Variants in SOX5 observed in about 807,000 individuals in gnomAD.
SOX5 encodes the protein SRY-box transcription factor 5, also known as transcription factor SOX-5.
A neutral mutation model predicts 92.0 loss-of-function variants in SOX5; 9 were observed. The observed-to-expected ratio is 0.10, with a 90% CI of 0.06 to 0.17. The LOEUF is 0.17. Among genes scored for constraint, SOX5 ranks in the 10% least tolerant of loss-of-function variants. The probability of loss-of-function intolerance (pLI) is 1.00; values close to 1 mark genes in which losing one functional copy is unlikely to be tolerated. For synonymous variants in SOX5, 344 were observed against 336.3 expected, an observed-to-expected ratio of 1.02 and a Z score of -0.25; for missense variants, 642 against 944.5, an observed-to-expected ratio of 0.68 and a Z score of 4.20.
intron 3 of SOX5, among the ~76,000 whole-genome samples, chr12:24,216,931 A>C (rs1443670212): frequency 6.6e-6 from 1 of 152,162 alleles, no homozygotes; most frequent in African/African-American, 2.4e-5. Flanking sequence ...CCATCTTAAA[A>C]ATCAAATAAA....
chr12:23,874,390 G>C (rs1312254703), intron 2 of SOX5, among the ~76,000 whole-genome samples: 1 of 152,010 alleles, frequency 6.6e-6, no homozygotes, highest in East Asian at 1.9e-4. Flanking sequence ...GTTTAGCGAC[G>C]CACCATACGC....
At chr12:24,467,542 G>T (rs529740905) in intron 1 of SOX5, among the ~76,000 whole-genome samples, 1 of 152,156 alleles carries the variant, frequency 6.6e-6, no homozygotes, top group African/African-American at 2.4e-5. Flanking sequence ...AAATTGGTAC[G>T]TGCAGGAACC....
At chr12:23,856,905 T>C (rs1208119347) in intron 2 of SOX5, among the ~76,000 whole-genome samples, 2 of 152,166 alleles carry the variant, frequency 1.3e-5, no homozygotes, top group Non-Finnish European at 2.9e-5. Context: ...TTTCTTTCTA[T>C]ACCATGAAGA....
intron 6 of SOX5, among the ~76,000 whole-genome samples, chr12:23,690,180 G>A (rs1566996396): frequency 6.6e-6 from 1 of 152,234 alleles, no homozygotes; most frequent in East Asian, 1.9e-4. Context: ...CAATTGGGAG[G>A]GGGAAGTATA....
At chr12:23,906,651 T>C (rs2138196753) in intron 1 of SOX5, among the ~76,000 whole-genome samples, 1 of 152,272 alleles carries the variant, frequency 6.6e-6, no homozygotes, top group Middle Eastern at 3.4e-3. Context: ...CACAGGATTG[T>C]GGGGAAGAAT....
chr12:23,753,204 A>G (rs1401310293), intron 4 of SOX5, among the ~76,000 whole-genome samples: 1 of 151,812 alleles, frequency 6.6e-6, no homozygotes, highest in African/African-American at 2.4e-5. Context: ...ACACTTCTCT[A>G]AACCCTTCCA....
intron 4 of SOX5, among the ~76,000 whole-genome samples, chr12:24,124,475 A>T (rs568824118): frequency 1.5e-3 from 225 of 152,258 alleles, no homozygotes; most frequent in Non-Finnish European, 2.2e-3. Flanking sequence ...GAACAATCTG[A>T]AAGTGCAGGC....
chr12:24,084,625 T>C (rs1943745001), intron 4 of SOX5, among the ~76,000 whole-genome samples: 1 of 152,062 alleles, frequency 6.6e-6, no homozygotes, highest in African/African-American at 2.4e-5. Context: ...TTTCAACAAT[T>C]CAAACGTCCA....
chr12:24,158,633 A>T (rs1952437186), intron 4 of SOX5, among the ~76,000 whole-genome samples: 1 of 151,988 alleles, frequency 6.6e-6, no homozygotes, highest in South Asian at 2.1e-4. Context: ...CAACAAACTT[A>T]TTCCAGTAAA....
intron 4 of SOX5, among the ~76,000 whole-genome samples, chr12:24,144,457 A>T (rs1252799941): frequency 2.0e-5 from 3 of 152,228 alleles, no homozygotes; most frequent in Non-Finnish European, 2.9e-5. Context: ...TAAGCAATAA[A>T]AAATTATGTA....
intron 2 of SOX5, among the ~76,000 whole-genome samples, chr12:24,357,128 T>A (rs1269436656): frequency 6.6e-6 from 1 of 152,152 alleles, no homozygotes; most frequent in East Asian, 1.9e-4. Context: ...TTGGTGTGGA[T>A]TACATTTTGA....
chr12:23,993,648 A>T (rs537643683), intron 4 of SOX5, among the ~76,000 whole-genome samples: 6 of 152,276 alleles, frequency 3.9e-5, no homozygotes, highest in African/African-American at 1.2e-4. Context: ...CTTTTTCAGG[A>T]ATCTTTTGAA....
At chr12:24,118,074 G>C (rs1237542763) in intron 4 of SOX5, among the ~76,000 whole-genome samples, 1 of 145,186 alleles carries the variant, frequency 6.9e-6, no homozygotes, top group Admixed American at 6.9e-5. Context: ...ACAGAGAGTA[G>C]AAAAGTGGTT....
intron 2 of SOX5, among the ~76,000 whole-genome samples, chr12:24,336,876 A>G (rs1194958635): frequency 6.6e-6 from 1 of 152,232 alleles, no homozygotes; most frequent in Non-Finnish European, 1.5e-5. Context: ...GGTGGGGCCC[A>G]GTTATTTCAT....
At chr12:23,946,720 G>A (rs1009399175) in intron 1 of SOX5, among the ~76,000 whole-genome samples, 2 of 151,736 alleles carry the variant, frequency 1.3e-5, no homozygotes, top group Non-Finnish European at 2.9e-5. Context: ...TCCTTTAAAC[G>A]GTAAAATGTA....
chr12:23,914,772 T>C (rs773927419), intron 1 of SOX5, among the ~76,000 whole-genome samples: 2 of 152,160 alleles, frequency 1.3e-5, no homozygotes, highest in Admixed American at 1.3e-4. Flanking sequence ...TTTATTATAA[T>C]AAGTAATGTA....
At chr12:23,639,576 A>G (rs1458200685) in intron 8 of SOX5, among the ~76,000 whole-genome samples, 1 of 152,236 alleles carries the variant, frequency 6.6e-6, no homozygotes, top group Non-Finnish European at 1.5e-5. Flanking sequence ...TTCAAAGGGT[A>G]ACAAATGTTA....
At chr12:23,949,287 C>T (rs987169707) in intron 1 of SOX5, among the ~76,000 whole-genome samples, 1 of 151,964 alleles carries the variant, frequency 6.6e-6, no homozygotes, top group Non-Finnish European at 1.5e-5. Context: ...ACAGAAGCAG[C>T]GAGTTGGGGA....
chr12:23,864,853 GA>G (rs2096794305), intron 2 of SOX5, among the ~76,000 whole-genome samples: 1 of 152,206 alleles, frequency 6.6e-6, no homozygotes, highest in Non-Finnish European at 1.5e-5. Flanking sequence ...GATAATTGAT[GA>G]AACTGGCTAT....
Sources: gnomAD v4.1 joint callset for allele counts (sites outside exome capture counted in the v4.1 genomes callset) on GRCh38, gnomAD v4.1.1 for gene constraint, MANE v1.5 for transcripts, NCBI Gene and HGNC (gene_info 2026-07-23, HGNC 2026-07-21) for gene names.